Variants in CTDSPL2 observed in about 807,000 individuals in gnomAD.
CTDSPL2 encodes the protein CTD small phosphatase-like protein 2.
In CTDSPL2, 5 loss-of-function variants were observed where a neutral mutation model predicts 60.0. That is an observed-to-expected ratio of 0.08 (90% CI 0.04 to 0.18). The LOEUF (loss-of-function observed/expected upper bound fraction) is 0.18, where lower values mean the gene tolerates loss of function less well. Among genes scored for constraint, CTDSPL2 ranks in the 10% least tolerant of loss-of-function variants. The probability of loss-of-function intolerance (pLI) is 1.00; values close to 1 mark genes in which losing one functional copy is unlikely to be tolerated. For missense variants in CTDSPL2, 370 were observed against 548.8 expected, an observed-to-expected ratio of 0.67 and a Z score of 3.26; for synonymous variants, 186 against 189.3, an observed-to-expected ratio of 0.98 and a Z score of 0.14.
chr15:44,433,219 T>C (rs1046343281), intron 1 of CTDSPL2, among the ~76,000 whole-genome samples: 1 of 148,274 alleles, frequency 6.7e-6, no homozygotes, highest in African/African-American at 2.5e-5. Flanking sequence ...CGGGGCTGAG[T>C]AGGGGGAATT....
At chr15:44,440,523 T>C (rs2080063837) in intron 1 of CTDSPL2, among the ~76,000 whole-genome samples, 1 of 152,176 alleles carries the variant, frequency 6.6e-6, no homozygotes, top group African/African-American at 2.4e-5. Flanking sequence ...TAAATTCTCC[T>C]TAAAAGTATA....
Position 44,459,068 on chromosome 15 carries a change from A to G in CTDSPL2, c.54A>G (p.Gln18=), listed in dbSNP as rs972400277. The change falls in exon 2 of 13, where the codon CAA becomes CAG. Residue 18 remains glutamine (Q), a synonymous_variant. Coordinates refer to ENST00000260327, the MANE Select transcript of CTDSPL2 (RefSeq NM_016396.3). The part of the protein sequence containing the change: ...ASQQSNQIQT[Q]RTARAKRKYS... ...AGCAGTCAAATCAAATCCAAACACA[A>G]CGCACTGCCAGAGCAAAGAGGAAAT... The G allele has an allele frequency of 2.5e-6, 4 of 1,611,630 alleles. No individual in the cohort carries two copies. The highest frequency in any genetic ancestry group is 2.2e-5 in the East Asian group (1 of 44,566).
At chr15:44,518,880 A>T (rs2081706463) in intron 10 of CTDSPL2, 1 of 175,236 alleles carries the variant, frequency 5.7e-6, no homozygotes, top group Non-Finnish European at 1.2e-5. Context: ...TAAATTACAA[A>T]AACAATTTAG....
At chr15:44,460,092 G>A (rs1767138431) in intron 2 of CTDSPL2, among the ~76,000 whole-genome samples, 1 of 152,100 alleles carries the variant, frequency 6.6e-6, no homozygotes, top group Admixed American at 6.6e-5. Flanking sequence ...TAGAAAAGCA[G>A]TTGGATGAAT....
At chr15:44,492,790 C>T (rs1391453716) in intron 5 of CTDSPL2, among the ~76,000 whole-genome samples, 6 of 152,090 alleles carry the variant, frequency 3.9e-5, no homozygotes, top group Non-Finnish European at 8.8e-5. Context: ...TACGTTCATT[C>T]TTTTGTGGGT....
intron 1 of CTDSPL2, among the ~76,000 whole-genome samples, chr15:44,429,547 CTT>C (rs1447147097): frequency 6.6e-6 from 1 of 152,210 alleles, no homozygotes; most frequent in Non-Finnish European, 1.5e-5. Flanking sequence ...TACTTGCACT[CTT>C]TTAATGCTTT....
At chr15:44,491,894 C>T (rs960354241) in intron 5 of CTDSPL2, among the ~76,000 whole-genome samples, 8 of 152,228 alleles carry the variant, frequency 5.3e-5, no homozygotes, top group African/African-American at 1.9e-4. Context: ...TGGAGTCTCA[C>T]TCTGTCGCCC....
At chr15:44,514,327 AT>A (rs2081614616) in intron 8 of CTDSPL2, among the ~76,000 whole-genome samples, 1 of 152,212 alleles carries the variant, frequency 6.6e-6, no homozygotes, top group Non-Finnish European at 1.5e-5. Flanking sequence ...TTAAATGTTT[AT>A]TAAAATTACA....
chr15:44,497,850 A>T (rs550728388), intron 7 of CTDSPL2, among the ~76,000 whole-genome samples: 1 of 152,248 alleles, frequency 6.6e-6, no homozygotes, highest in East Asian at 1.9e-4. Flanking sequence ...TTCAAAAATT[A>T]GCTGGGCATG....
intron 8 of CTDSPL2, among the ~76,000 whole-genome samples, chr15:44,502,777 T>G (rs1434123673): frequency 1.3e-5 from 2 of 152,232 alleles, no homozygotes; most frequent in East Asian, 3.8e-4. Context: ...GTAGAAAATT[T>G]AAATTAGATC....
intron 1 of CTDSPL2, among the ~76,000 whole-genome samples, chr15:44,453,515 G>T (rs898438262): frequency 1.3e-4 from 19 of 151,812 alleles, no homozygotes; most frequent in Non-Finnish European, 2.5e-4. Flanking sequence ...ATGTTGGTGT[G>T]CTGTACCCAT....
intron 1 of CTDSPL2, among the ~76,000 whole-genome samples, chr15:44,452,915 A>G (rs962746414): frequency 1.3e-5 from 2 of 152,088 alleles, no homozygotes; most frequent in African/African-American, 4.8e-5. Flanking sequence ...TATATATTCT[A>G]CATACAAGGT....
At chr15:44,494,596 T>A (rs1595757105) in intron 5 of CTDSPL2, among the ~76,000 whole-genome samples, 1 of 150,432 alleles carries the variant, frequency 6.6e-6, no homozygotes. Flanking sequence ...GGACCCTGTC[T>A]CAAAAAAAAA....
At chr15:44,484,750 C>T (rs1389898996) in intron 3 of CTDSPL2, among the ~76,000 whole-genome samples, 2 of 152,108 alleles carry the variant, frequency 1.3e-5, no homozygotes, top group Non-Finnish European at 2.9e-5. Context: ...AAAAACAAAA[C>T]AAAACTACTT....
At chr15:44,453,491 T>C (rs2080371496) in intron 1 of CTDSPL2, among the ~76,000 whole-genome samples, 1 of 152,064 alleles carries the variant, frequency 6.6e-6, no homozygotes, top group Non-Finnish European at 1.5e-5. Context: ...TTGCTACATA[T>C]GTATACATGT....
intron 1 of CTDSPL2, among the ~76,000 whole-genome samples, chr15:44,432,558 G>A (rs1373045304): frequency 6.6e-6 from 1 of 151,850 alleles, no homozygotes; most frequent in Non-Finnish European, 1.5e-5. Context: ...CTGACCTTGT[G>A]ATCCGCCCAC....
intron 1 of CTDSPL2, among the ~76,000 whole-genome samples, chr15:44,438,824 A>G (rs1463316153): frequency 1.3e-5 from 2 of 152,030 alleles, no homozygotes; most frequent in Admixed American, 6.6e-5. Flanking sequence ...CCAACCCACT[A>G]CCTCTTTAAT....
intron 1 of CTDSPL2, among the ~76,000 whole-genome samples, chr15:44,453,131 C>A (rs1464766358): frequency 1.3e-5 from 2 of 151,840 alleles, no homozygotes; most frequent in Admixed American, 6.6e-5. Context: ...ATATGGATTT[C>A]TTTTATTTTT....
chr15:44,516,108 A>C (rs2140867902), intron 10 of CTDSPL2, among the ~76,000 whole-genome samples: 1 of 151,528 alleles, frequency 6.6e-6, no homozygotes, highest in South Asian at 2.1e-4. Context: ...CTGGGACTAC[A>C]GGTGTGTGCC....
Sources: gnomAD v4.1 joint callset for allele counts (sites outside exome capture counted in the v4.1 genomes callset) on GRCh38, gnomAD v4.1.1 for gene constraint, MANE v1.5 for transcripts, NCBI Gene and HGNC (gene_info 2026-07-23, HGNC 2026-07-21) for gene names.